Variants in PDK1 observed in about 807,000 individuals in gnomAD.
The protein encoded by PDK1 is [Pyruvate dehydrogenase (acetyl-transferring)] kinase isozyme 1, mitochondrial.
PDK1 carries 39 observed loss-of-function variants against 54.2 expected under a neutral mutation model. That is an observed-to-expected ratio of 0.72 (90% CI 0.56 to 0.94). The LOEUF (loss-of-function observed/expected upper bound fraction) is 0.94. PDK1 is among the 40% of genes least tolerant of loss of function. The pLI, the probability that PDK1 is intolerant of heterozygous loss-of-function variation, is 0.00. For synonymous variants in PDK1, 221 were observed against 207.1 expected, an observed-to-expected ratio of 1.07 and a Z score of -0.58; for missense variants, 552 against 566.0, an observed-to-expected ratio of 0.98 and a Z score of 0.25.
At chr2:172,578,692 C>T (rs1176335324) in intron 8 of PDK1, among the ~76,000 whole-genome samples, 1 of 150,290 alleles carries the variant, frequency 6.7e-6, no homozygotes, top group African/African-American at 2.4e-5. Context: ...CTCTGCAGAT[C>T]AGATACTGCT....
rs1308876197 is a variant in PDK1 at position 172,596,066 on chromosome 2, C to T, written c.*97C>T. 20 of 1,027,586 alleles carry T rather than the reference C, an allele frequency of 1.9e-5. No homozygotes were observed. The highest frequency in any genetic ancestry group is 2.8e-5 in the Admixed American group (1 of 35,770). 63.7% of individuals were successfully genotyped at this position (1,027,586 alleles called of 1,614,324 possible). On this transcript the variant is annotated 3_prime_UTR_variant, in exon 11 of 11. Coordinates refer to ENST00000282077, the MANE Select transcript of PDK1 (RefSeq NM_002610.5). ...ATATTATACCAAGTACTTTATTTATCGTTTTCACAAAACTATTTGAGTAGA... is the reference window on the plus strand; with the variant it reads ...ATATTATACCAAGTACTTTATTTATTGTTTTCACAAAACTATTTGAGTAGA...
At position 172,561,728 on chromosome 2, in the gene PDK1, A is replaced by G. The variant is rs1688664616; in HGVS notation, c.339-492A>G. Among the ~76,000 whole-genome samples, 5 of 152,230 alleles carry G rather than the reference A, an allele frequency of 3.3e-5. No individual in the cohort carries two copies. The South Asian group carries it at 1.0e-3, about 32-fold the overall frequency. On this transcript the variant is annotated intron_variant, in intron 2 of 10. Coordinates refer to ENST00000282077, the MANE Select transcript of PDK1 (RefSeq NM_002610.5). ...AGTTTAAAAGAACCATGTAGATTATAGGCTTTCAATAAATACTTGTTAGTT... is the reference window on the plus strand; with the variant it reads ...AGTTTAAAAGAACCATGTAGATTATGGGCTTTCAATAAATACTTGTTAGTT...
At position 172,596,189 on chromosome 2, in the gene PDK1, T is replaced by A. The variant is rs1451314507; in HGVS notation, c.*220T>A. 2.7e-6 allele frequency: 1 copy of A among 376,634 alleles called. No homozygotes were observed. Among genetic ancestry groups the A allele is most frequent in the African/African-American group, 2.0e-5 (1 of 49,260 alleles). The allele number at this position is 376,634 out of a possible 1,614,324, so 23.3% of individuals were successfully genotyped here. A position where few individuals can be genotyped will look rare whatever the true frequency, so the allele number is the denominator to read the frequency against. ...ATATTTTCACAGTTAATTGAACATA[T>A]TTTTAAACAACTGTAGTTTTGGGCA... On this transcript the variant is annotated 3_prime_UTR_variant, in exon 11 of 11. Coordinates refer to ENST00000282077, the MANE Select transcript of PDK1 (RefSeq NM_002610.5).
chr2:172,586,874 G>A (rs1234568263), intron 9 of PDK1, among the ~76,000 whole-genome samples: 1 of 152,106 alleles, frequency 6.6e-6, no homozygotes, highest in African/African-American at 2.4e-5. Flanking sequence ...ATGGTGTTTT[G>A]TTAATCTTAG....
At chr2:172,629,438 G>A in the PDK1 span, among the ~76,000 whole-genome samples, 1 of 152,180 alleles carries the variant, frequency 6.6e-6, no homozygotes, top group Non-Finnish European at 1.5e-5. Flanking sequence ...GAAGCAGCTT[G>A]ACTTCAGAGG....
the PDK1 span, among the ~76,000 whole-genome samples, chr2:172,636,871 A>C: frequency 6.6e-6 from 1 of 152,186 alleles, no homozygotes; most frequent in Non-Finnish European, 1.5e-5. Context: ...TGGAAGGGAC[A>C]AACATCCAGA....
chr2:172,616,494 C>G, the PDK1 span, among the ~76,000 whole-genome samples: 1 of 152,098 alleles, frequency 6.6e-6, no homozygotes, highest in Non-Finnish European at 1.5e-5. Context: ...ACGAACAAAA[C>G]AATGCTCAGG....
At chr2:172,654,499 C>CT in the PDK1 span, among the ~76,000 whole-genome samples, 2 of 151,914 alleles carry the variant, frequency 1.3e-5, 1 homozygote, top group South Asian at 4.2e-4. Flanking sequence ...TCTGAGCAAA[C>CT]TATCGCAAGG....
At chr2:172,636,340 C>T in the PDK1 span, among the ~76,000 whole-genome samples, 8 of 152,096 alleles carry the variant, frequency 5.3e-5, no homozygotes, top group Non-Finnish European at 8.8e-5. Context: ...AGGGAGCCCA[C>T]ATTACATGGT....
At chr2:172,592,103 G>T (rs1400298677) in intron 9 of PDK1, among the ~76,000 whole-genome samples, 1 of 152,240 alleles carries the variant, frequency 6.6e-6, no homozygotes, top group South Asian at 2.1e-4. Flanking sequence ...GCTGGGTTAA[G>T]GATTTTTGAT....
intron 2 of PDK1, among the ~76,000 whole-genome samples, chr2:172,559,050 G>A: frequency 6.6e-6 from 1 of 152,184 alleles, no homozygotes; most frequent in Non-Finnish European, 1.5e-5. Context: ...CCGGGTTCAG[G>A]CGATTCTCCT....
intron 8 of PDK1, among the ~76,000 whole-genome samples, chr2:172,581,741 A>G (rs922624117): frequency 7.3e-5 from 11 of 151,512 alleles, no homozygotes; most frequent in African/African-American, 2.2e-4. Flanking sequence ...TTTCTTCCCC[A>G]TTTTTTTTAG....
rs140848900 is a variant in PDK1 at position 172,588,668 on chromosome 2, G to A, written c.1056+2280G>A. ...TCCTTTCTGCTGACATCGCTTTGTA[G>A]ATGGTCCCAGTCAGCAGGCAGTAGG... On this transcript the variant is annotated intron_variant, in intron 9 of 10. Coordinates refer to ENST00000282077, the MANE Select transcript of PDK1 (RefSeq NM_002610.5). Among the ~76,000 whole-genome samples the A allele has an allele frequency of 1.1e-4, 17 of 152,302 alleles. No individual in the cohort carries two copies. The East Asian group carries it at 2.5e-3, about 22-fold the overall frequency.
At chr2:172,662,262 CAGG>C in the PDK1 span, among the ~76,000 whole-genome samples, 1 of 152,112 alleles carries the variant, frequency 6.6e-6, no homozygotes, top group Non-Finnish European at 1.5e-5. Flanking sequence ...AAACAGCTGT[CAGG>C]AGGCCACAAT....
At chr2:172,654,646 G>T in the PDK1 span, among the ~76,000 whole-genome samples, 1 of 151,908 alleles carries the variant, frequency 6.6e-6, no homozygotes, top group East Asian at 1.9e-4. Flanking sequence ...GCATTAGGAG[G>T]TATACCTAAT....
chr2:172,565,028 A>C lies in PDK1; in HGVS notation c.646A>C (p.Ile216Leu). The C allele has an allele frequency of 6.2e-7, 1 of 1,612,518 alleles. No individual in the cohort carries two copies. Among genetic ancestry groups the C allele is most frequent in the South Asian group, 1.1e-5 (1 of 91,040 alleles). ...AGGAAGTCCATCTCATCGAAAACAC[A>C]TTGGAAGCATAAATCCAAACTGCAA... ...GKGSPSHRKHIGSINPNCNVL... is the reference protein window; with the variant it reads ...GKGSPSHRKHLGSINPNCNVL... The change falls in exon 5 of 11, where the codon ATT (isoleucine) becomes CTT (leucine). Residue 216 changes from isoleucine (I) to leucine (L), a missense_variant. Transcript: ENST00000282077.
At chr2:172,704,350 CGGGGTTTTGTGACAGTTG>C in the PDK1 span, among the ~76,000 whole-genome samples, 10 of 152,044 alleles carry the variant, frequency 6.6e-5, no homozygotes, top group Non-Finnish European at 8.8e-5. Flanking sequence ...TGTTTTCAGT[CGGGGTTTTGTGACAGTTG>C]GGGTCCATGT....
chr2:172,710,268 G>A, the PDK1 span, among the ~76,000 whole-genome samples: 1 of 152,218 alleles, frequency 6.6e-6, no homozygotes, highest in African/African-American at 2.4e-5. Context: ...TCACAAAGGA[G>A]TATGACAATC....
At chr2:172,573,772 A>C (rs1221170215) in intron 8 of PDK1, among the ~76,000 whole-genome samples, 1 of 151,784 alleles carries the variant, frequency 6.6e-6, no homozygotes, top group Non-Finnish European at 1.5e-5. Flanking sequence ...TATCCTTTGA[A>C]GTACAAAGTT....
Sources: gnomAD v4.1 joint callset for allele counts (sites outside exome capture counted in the v4.1 genomes callset) on GRCh38, gnomAD v4.1.1 for gene constraint, MANE v1.5 for transcripts, NCBI Gene and HGNC (gene_info 2026-07-23, HGNC 2026-07-21) for gene names.